The following CSMD3 variants were observed in gnomAD, a reference collection of about 807,000 sequenced individuals.
CSMD3 encodes the protein CUB and sushi domain-containing protein 3.
Under a neutral mutation model 435.2 loss-of-function variants are expected in CSMD3, and 177 were observed. The ratio of observed to expected loss-of-function variants is 0.41; its 90% CI spans 0.36 to 0.46. CSMD3 has a LOEUF of 0.46. Among genes scored for constraint, CSMD3 ranks in the 20% least tolerant of loss-of-function variants. The pLI is 0.34. For missense variants in CSMD3, 4,265 were observed against 4,504.6 expected (o/e 0.95, Z 1.52); for synonymous variants, 1,656 against 1,520.5 (o/e 1.09, Z -2.07).
chr8:112,690,130 G>T, intron 13 of CSMD3, 80 bp from the exon 14 acceptor site: 1 of 1,014,438 alleles, frequency 9.9e-7, no homozygotes, highest in Non-Finnish European at 1.6e-6. Flanking sequence ...GTAGATATAT[G>T]CTCTTTGTTG....
chr8:113,100,062 A>T lies in CSMD3; in HGVS notation c.710-1099T>A, dbSNP rs73340231. 9.9e-3 allele frequency among the ~76,000 whole-genome samples: 1,510 copies of T among 152,224 alleles called. 36 individuals are homozygous for T. Among genetic ancestry groups the T allele is most frequent in the African/African-American group, 0.035 (1,438 of 41,554 alleles). The stretch of plus-strand genomic sequence containing the variant: ...CAATTCCATGATGGGTAGAACATAA[A>T]AAAAATTGCTTTGTTATTAGAGACA... On this transcript the variant is annotated intron_variant, in intron 4 of 70. Coordinates refer to ENST00000297405, the MANE Select transcript of CSMD3 (RefSeq NM_198123.2).
intron 3 of CSMD3, among the ~76,000 whole-genome samples, chr8:113,241,474 A>G (rs2093216370): frequency 6.6e-6 from 1 of 151,992 alleles, no homozygotes; most frequent in African/African-American, 2.4e-5. Flanking sequence ...ATGAATTGGT[A>G]GAATCTTAAA....
chr8:113,042,151 T>A (rs1432876048), intron 5 of CSMD3, among the ~76,000 whole-genome samples: 1 of 152,308 alleles, frequency 6.6e-6, no homozygotes, highest in East Asian at 1.9e-4. Context: ...AATTTTTATG[T>A]CCACCTGCAT....
intron 32 of CSMD3, among the ~76,000 whole-genome samples, chr8:112,459,025 C>T (rs542628219): frequency 1.3e-5 from 2 of 152,168 alleles, no homozygotes; most frequent in African/African-American, 4.8e-5. Context: ...TTCCTCCCTT[C>T]TCCACTGCCT....
At chr8:112,524,943 G>T (rs549310563) in intron 27 of CSMD3, among the ~76,000 whole-genome samples, 1 of 151,624 alleles carries the variant, frequency 6.6e-6, no homozygotes, top group Non-Finnish European at 1.5e-5. Context: ...TTTTTCTAAA[G>T]AATGTGTTTT....
chr8:113,216,525 C>T (rs1361874867), intron 3 of CSMD3, among the ~76,000 whole-genome samples: 1 of 151,818 alleles, frequency 6.6e-6, no homozygotes, highest in Non-Finnish European at 1.5e-5. Context: ...CAAAATTAAA[C>T]AAGCTTCAAA....
intron 3 of CSMD3, among the ~76,000 whole-genome samples, chr8:113,271,697 A>G (rs1588417838): frequency 2.0e-5 from 3 of 152,242 alleles, no homozygotes; most frequent in Admixed American, 6.5e-5. Context: ...GTGGGATTGG[A>G]GCCCTCACAC....
chr8:113,003,713 G>A (rs1245596039), intron 6 of CSMD3, among the ~76,000 whole-genome samples: 1 of 151,970 alleles, frequency 6.6e-6, no homozygotes, highest in East Asian at 1.9e-4. Context: ...TTTGGATTAA[G>A]TTTAAAACTA....
intron 10 of CSMD3, among the ~76,000 whole-genome samples, chr8:112,913,142 C>A (rs1043575049): frequency 1.6e-4 from 24 of 151,840 alleles, no homozygotes; most frequent in African/African-American, 5.6e-4. Context: ...TTAACAATCC[C>A]TAGTACCCTA....
At chr8:113,372,027 A>G (rs1387130911) in intron 1 of CSMD3, among the ~76,000 whole-genome samples, 1 of 152,192 alleles carries the variant, frequency 6.6e-6, no homozygotes, top group Non-Finnish European at 1.5e-5. Flanking sequence ...GTTCCACACT[A>G]GTTAAAAAAA....
chr8:113,339,250 A>G (rs1039502148), intron 1 of CSMD3, among the ~76,000 whole-genome samples: 3 of 151,908 alleles, frequency 2.0e-5, no homozygotes, highest in African/African-American at 7.2e-5. Flanking sequence ...ATAGTTTGCC[A>G]TGGAGCTCCA....
chr8:113,254,134 A>G (rs962686644), intron 3 of CSMD3, among the ~76,000 whole-genome samples: 2 of 151,934 alleles, frequency 1.3e-5, no homozygotes, highest in African/African-American at 4.8e-5. Flanking sequence ...AATTTTCTCA[A>G]TGTCATGCTG....
chr8:112,432,009 C>T (rs1265249695), intron 32 of CSMD3, among the ~76,000 whole-genome samples: 1 of 152,038 alleles, frequency 6.6e-6, no homozygotes, highest in Admixed American at 6.6e-5. Flanking sequence ...TTTCCTTTCA[C>T]CTCTCTAGTT....
chr8:112,230,372 GACAA>G (rs756218761), intron 69 of CSMD3, among the ~76,000 whole-genome samples: 17 of 152,246 alleles, frequency 1.1e-4, no homozygotes, highest in Non-Finnish European at 1.9e-4. Context: ...TTCTCTTTTT[GACAA>G]ACAGTTACAT....
At chr8:112,924,001 C>T (rs537583883) in intron 9 of CSMD3, among the ~76,000 whole-genome samples, 1 of 151,290 alleles carries the variant, frequency 6.6e-6, no homozygotes, top group East Asian at 2.0e-4. Flanking sequence ...AAGAAAAATA[C>T]TAATGTGATT....
intron 4 of CSMD3, among the ~76,000 whole-genome samples, chr8:113,154,652 C>A (rs1023913712): frequency 6.6e-5 from 10 of 151,906 alleles, no homozygotes; most frequent in African/African-American, 2.2e-4. Flanking sequence ...TGCGCAGTTG[C>A]TGCAGAATGA....
intron 13 of CSMD3, among the ~76,000 whole-genome samples, chr8:112,736,550 T>C (rs2077189095): frequency 6.6e-6 from 1 of 152,060 alleles, no homozygotes; most frequent in Non-Finnish European, 1.5e-5. Flanking sequence ...TCACTCATGC[T>C]TCAGGATTCC....
chr8:112,396,009 A>C (rs1230313395), intron 35 of CSMD3, among the ~76,000 whole-genome samples: 2 of 152,172 alleles, frequency 1.3e-5, no homozygotes, highest in Non-Finnish European at 2.9e-5. Flanking sequence ...TGAATCTTCT[A>C]ATTTAGTATT....
At chr8:113,082,276 C>A (rs1056057931) in intron 5 of CSMD3, among the ~76,000 whole-genome samples, 5 of 152,188 alleles carry the variant, frequency 3.3e-5, no homozygotes, top group Non-Finnish European at 5.9e-5. Flanking sequence ...CCTGTGCATA[C>A]CCCCGATCAG....
Sources: gnomAD v4.1 joint callset for allele counts (sites outside exome capture counted in the v4.1 genomes callset) on GRCh38, gnomAD v4.1.1 for gene constraint, MANE v1.5 for transcripts, NCBI Gene and HGNC (gene_info 2026-07-23, HGNC 2026-07-21) for gene names.